Variants in UBE2V2 observed in about 807,000 individuals in gnomAD.
UBE2V2 encodes the protein ubiquitin-conjugating enzyme E2 variant 2.
UBE2V2 carries 9 observed loss-of-function variants against 17.2 expected under a neutral mutation model. That is an observed-to-expected ratio of 0.52 (90% CI 0.32 to 0.91). The LOEUF is 0.91. UBE2V2 is among the 40% of genes least tolerant of loss of function. UBE2V2 has a pLI of 0.04. For missense variants in UBE2V2, 133 were observed against 182.6 expected (o/e 0.73, Z 1.56); for synonymous variants, 61 against 57.5 (o/e 1.06, Z -0.28).
Position 48,043,105 on chromosome 8 carries a change from C to G in UBE2V2, c.89C>G (p.Thr30Arg). The change falls in exon 2 of 4, where the codon ACA becomes AGA. Residue 30 changes from threonine to arginine, a missense_variant. Transcript: ENST00000523111. ...GGACAAAAAGGAGTAGGCGACGGTA[C>G]AGTTAGCTGGGGCCTTGAAGATGAT... ...EEGQKGVGDG[T>R]VSWGLEDDED... The G allele has an allele frequency of 6.2e-7, 1 of 1,601,028 alleles. No homozygotes were observed. Among genetic ancestry groups the G allele is most frequent in the Non-Finnish European group, 8.5e-7 (1 of 1,172,356 alleles).
At chr8:48,060,209 CAAA>C (rs557515958) in intron 3 of UBE2V2, among the ~76,000 whole-genome samples, 5 of 43,818 alleles carry the variant, frequency 1.1e-4, no homozygotes, top group African/African-American at 3.5e-4. Context: ...GACTCTGTCT[CAAA>C]AAAAAAAAAA....
intron 1 of UBE2V2, among the ~76,000 whole-genome samples, chr8:48,009,667 A>G (rs756638593): frequency 3.3e-5 from 5 of 152,224 alleles, no homozygotes; most frequent in African/African-American, 7.2e-5. Flanking sequence ...TCAAATCTAT[A>G]TGTACTGAAA....
chr8:48,050,688 C>CAA (rs796549178), intron 3 of UBE2V2, among the ~76,000 whole-genome samples: 10 of 61,804 alleles, frequency 1.6e-4, no homozygotes, highest in South Asian at 4.7e-4. Context: ...AACTCCGTCT[C>CAA]AAAAAAAAAA....
intron 2 of UBE2V2, 128 bp downstream of exon 2, chr8:48,043,309 C>T (rs2091476775): frequency 1.3e-6 from 1 of 757,896 alleles, no homozygotes; most frequent in Non-Finnish European, 1.8e-6. Context: ...ATTTTGTTTA[C>T]ATTTATTGAT....
chr8:48,053,756 A>G (rs1017703556), intron 3 of UBE2V2, among the ~76,000 whole-genome samples: 4 of 150,122 alleles, frequency 2.7e-5, no homozygotes, highest in Middle Eastern at 3.6e-3. Context: ...CAAAGACTAC[A>G]TTATAAATAG....
intron 1 of UBE2V2, chr8:48,041,757 T>C (rs1482160472): frequency 6.6e-6 from 1 of 151,752 alleles, no homozygotes; most frequent in Non-Finnish European, 1.5e-5. Context: ...CTGAATAAAC[T>C]CTTAAAAAGC....
chr8:48,008,294 G>GCCCCGCGA, upstream of UBE2V2: 1 of 830,634 alleles, frequency 1.2e-6, no homozygotes, highest in Non-Finnish European at 1.7e-6. Flanking sequence ...CAGCAGCGAG[G>GCCCCGCGA]CCCCGCGACC....
At chr8:48,054,860 A>G (rs2091561390) in intron 3 of UBE2V2, among the ~76,000 whole-genome samples, 1 of 151,800 alleles carries the variant, frequency 6.6e-6, no homozygotes, top group Non-Finnish European at 1.5e-5. Flanking sequence ...TTCTGACATG[A>G]TATTTATTTT....
intron 1 of UBE2V2, among the ~76,000 whole-genome samples, chr8:48,041,086 G>A (rs1589861018): frequency 6.6e-6 from 1 of 150,996 alleles, no homozygotes; most frequent in Non-Finnish European, 1.5e-5. Context: ...GGATGGTCTC[G>A]ATCTCCTGAC....
At chr8:48,025,974 A>G (rs1473635680) in intron 1 of UBE2V2, among the ~76,000 whole-genome samples, 1 of 152,172 alleles carries the variant, frequency 6.6e-6, no homozygotes, top group Non-Finnish European at 1.5e-5. Flanking sequence ...TAAGTGTTTG[A>G]TAGAAACGTA....
At position 48,060,901 on chromosome 8, in the gene UBE2V2, A is replaced by G. The variant is rs1036294088; in HGVS notation, c.*73A>G. On this transcript the variant is annotated 3_prime_UTR_variant, in exon 4 of 4. Coordinates refer to ENST00000523111, the MANE Select transcript of UBE2V2 (RefSeq NM_003350.3). ...GTTAATGTCTTGATTAAATATCACAATGCAAAATACACATTAAGTAAAAGA... is the reference window on the plus strand; with the variant it reads ...GTTAATGTCTTGATTAAATATCACAGTGCAAAATACACATTAAGTAAAAGA... The G allele has an allele frequency of 2.6e-5, 34 of 1,305,496 alleles. No individual in the cohort carries two copies. The highest frequency in any genetic ancestry group is 9.0e-6 in the Non-Finnish European group (9 of 1,002,250). The allele number at this position is 1,305,496 out of a possible 1,614,324, so 80.9% of individuals were successfully genotyped here. A position where few individuals can be genotyped will look rare whatever the true frequency, so the allele number is the denominator to read the frequency against.
intron 3 of UBE2V2, among the ~76,000 whole-genome samples, chr8:48,053,122 C>G (rs1347517790): frequency 6.6e-6 from 1 of 152,112 alleles, no homozygotes; most frequent in Non-Finnish European, 1.5e-5. Context: ...GTCTCAGACT[C>G]CTGACCCGCG....
intron 2 of UBE2V2, among the ~76,000 whole-genome samples, chr8:48,047,939 G>A (rs918229905): frequency 6.6e-6 from 1 of 151,374 alleles, no homozygotes; most frequent in Non-Finnish European, 1.5e-5. Context: ...TAATAGGCTA[G>A]CTTTGGGATT....
intron 1 of UBE2V2, among the ~76,000 whole-genome samples, chr8:48,025,785 A>G (rs957815518): frequency 6.6e-6 from 1 of 150,768 alleles, no homozygotes; most frequent in African/African-American, 2.4e-5. Flanking sequence ...TATTTTTTGT[A>G]GAGTCGGGGT....
intron 1 of UBE2V2, among the ~76,000 whole-genome samples, chr8:48,019,656 A>G (rs1563849998): frequency 6.6e-6 from 1 of 151,416 alleles, no homozygotes; most frequent in Non-Finnish European, 1.5e-5. Context: ...CTCTACTAAA[A>G]ATACAAAAAT....
intron 3 of UBE2V2, among the ~76,000 whole-genome samples, chr8:48,052,473 C>T (rs1319072727): frequency 6.6e-6 from 1 of 152,144 alleles, no homozygotes; most frequent in Non-Finnish European, 1.5e-5. Flanking sequence ...TATTTTGCCT[C>T]CCTCTCTACC....
upstream of UBE2V2, chr8:48,008,309 G>C (rs1242618208): frequency 2.7e-6 from 3 of 1,092,328 alleles, no homozygotes; most frequent in Non-Finnish European, 3.6e-6. Flanking sequence ...GCGACCCCTC[G>C]GCCCACGTGC....
intron 1 of UBE2V2, among the ~76,000 whole-genome samples, chr8:48,010,745 T>A (rs1225466709): frequency 1.3e-5 from 2 of 148,162 alleles, no homozygotes; most frequent in Admixed American, 1.4e-4. Context: ...TTGCCCAGGC[T>A]GGAGTGCAAG....
At chr8:48,026,326 A>C (rs2154507178) in intron 1 of UBE2V2, among the ~76,000 whole-genome samples, 1 of 152,244 alleles carries the variant, frequency 6.6e-6, no homozygotes, top group South Asian at 2.1e-4. Context: ...ATTTGACCAC[A>C]CCTTTGAGGG....
Sources: gnomAD v4.1 joint callset for allele counts (sites outside exome capture counted in the v4.1 genomes callset) on GRCh38, gnomAD v4.1.1 for gene constraint, MANE v1.5 for transcripts, NCBI Gene and HGNC (gene_info 2026-07-23, HGNC 2026-07-21) for gene names.